Variants in FOXO1 observed in about 807,000 individuals in gnomAD.
FOXO1 encodes forkhead box protein O1.
Under a neutral mutation model 44.1 loss-of-function variants are expected in FOXO1, and 6 were observed. The observed-to-expected ratio is 0.14, with a 90% CI of 0.07 to 0.27. The LOEUF (loss-of-function observed/expected upper bound fraction) is 0.27, where lower values mean the gene tolerates loss of function less well. Among genes scored for constraint, FOXO1 ranks in the 10% least tolerant of loss-of-function variants. FOXO1 has a pLI of 1.00. For synonymous variants in FOXO1, 380 were observed against 362.7 expected, an observed-to-expected ratio of 1.05 and a Z score of -0.54; for missense variants, 737 against 888.8, an observed-to-expected ratio of 0.83 and a Z score of 2.17.
intron 1 of FOXO1, among the ~76,000 whole-genome samples, chr13:40,573,921 A>T (rs1365939363): frequency 1.3e-5 from 2 of 152,240 alleles, no homozygotes; most frequent in East Asian, 3.8e-4. Flanking sequence ...GGATGACTCA[A>T]ACCAACAGAA....
At chr13:40,571,227 T>TG (rs1336481233) in intron 1 of FOXO1, among the ~76,000 whole-genome samples, 13 of 116,254 alleles carry the variant, frequency 1.1e-4, no homozygotes, top group Admixed American at 1.0e-3. Context: ...TGTCATGGGG[T>TG]GGGGGGAAGG....
At chr13:40,631,240 A>G (rs1330809084) in intron 1 of FOXO1, among the ~76,000 whole-genome samples, 4 of 152,328 alleles carry the variant, frequency 2.6e-5, no homozygotes, top group East Asian at 3.9e-4. Context: ...ACCAACAACT[A>G]GAGCTTAAGT....
rs940436969 is a variant in FOXO1, at chr13:40,555,972, G to C, written c.*3077C>G. 2 of 152,506 alleles carry C rather than the reference G, an allele frequency of 1.3e-5. No individual in the cohort carries two copies. Among genetic ancestry groups the C allele is most frequent in the African/African-American group, 4.8e-5 (2 of 41,460 alleles). The allele number at this position is 152,506 out of a possible 1,614,324, so 9.4% of individuals were successfully genotyped here. A position where few individuals can be genotyped will look rare whatever the true frequency, so the allele number is the denominator to read the frequency against. ...ATGGCCACCCCTGGCCACACTGCCA[G>C]GCTGTGCCCACCTCAAGGAGAGGCC... On this transcript the variant is annotated 3_prime_UTR_variant, in exon 3 of 3. Coordinates refer to ENST00000379561, the MANE Select transcript of FOXO1 (RefSeq NM_002015.4).
intron 1 of FOXO1, among the ~76,000 whole-genome samples, chr13:40,566,996 A>G (rs908334313): frequency 1.3e-5 from 2 of 152,186 alleles, no homozygotes; most frequent in Admixed American, 1.3e-4. Flanking sequence ...CTGCCTCCTA[A>G]GAGCTGAGCC....
At chr13:40,572,746 A>G (rs1874585325) in intron 1 of FOXO1, among the ~76,000 whole-genome samples, 1 of 152,212 alleles carries the variant, frequency 6.6e-6, no homozygotes, top group Non-Finnish European at 1.5e-5. Context: ...ACAGAGATTG[A>G]GCCCAAGTCA....
At position 40,556,210 on chromosome 13, in the gene FOXO1, G is replaced by A. The variant is rs546782697; in HGVS notation, c.*2839C>T. On this transcript the variant is annotated 3_prime_UTR_variant, in exon 3 of 3. Coordinates refer to ENST00000379561, the MANE Select transcript of FOXO1 (RefSeq NM_002015.4). Reference sequence around the variant, plus strand: ...GTTGAACAAGTCCAATTTGTATATCGTTGGAGAATGATTTCCATTTTAAGC... The same window carrying A: ...GTTGAACAAGTCCAATTTGTATATCATTGGAGAATGATTTCCATTTTAAGC... 5.2e-5 allele frequency: 8 copies of A among 152,424 alleles called. No homozygotes were observed. Among genetic ancestry groups the A allele is most frequent in the African/African-American group, 1.4e-4 (6 of 41,560 alleles). 9.4% of individuals were successfully genotyped at this position (152,424 alleles called of 1,614,324 possible).
chr13:40,624,450 T>G (rs543626080), intron 1 of FOXO1, among the ~76,000 whole-genome samples: 101 of 152,172 alleles, frequency 6.6e-4, no homozygotes, highest in Non-Finnish European at 1.4e-3. Flanking sequence ...CTAAAAATTG[T>G]GCTTGCCTAT....
At chr13:40,587,200 C>A (rs1285644503) in intron 1 of FOXO1, among the ~76,000 whole-genome samples, 2 of 151,304 alleles carry the variant, frequency 1.3e-5, no homozygotes, top group Non-Finnish European at 2.9e-5. Flanking sequence ...ATTTTTCCAC[C>A]ACCTTCTTCC....
At chr13:40,664,352 G>C (rs1292840328) in intron 1 of FOXO1, among the ~76,000 whole-genome samples, 1 of 152,154 alleles carries the variant, frequency 6.6e-6, no homozygotes, top group Non-Finnish European at 1.5e-5. Context: ...GAAACTGTCA[G>C]CTTGGGGAGG....
chr13:40,619,698 T>C, intron 1 of FOXO1: 2 of 1,245,148 alleles, frequency 1.6e-6, no homozygotes, highest in Non-Finnish European at 1.2e-6. Context: ...CTAGGCTTGC[T>C]TCAAGGGGGA....
chr13:40,575,455 A>G (rs565703256), intron 1 of FOXO1, among the ~76,000 whole-genome samples: 6 of 152,320 alleles, frequency 3.9e-5, no homozygotes, highest in Admixed American at 3.3e-4. Flanking sequence ...CCAAGGAGGA[A>G]GGGTCTCAAA....
At chr13:40,619,880 A>C in intron 1 of FOXO1, 1 of 722,318 alleles carries the variant, frequency 1.4e-6, no homozygotes, top group Non-Finnish European at 2.6e-6. Context: ...AAAGCAGCAC[A>C]TGTTTGGGAA....
chr13:40,561,305 T>G (rs1436663436), intron 1 of FOXO1, among the ~76,000 whole-genome samples: 1 of 143,692 alleles, frequency 7.0e-6, no homozygotes, highest in Non-Finnish European at 1.5e-5. Context: ...TGAGGCGAGA[T>G]CGTGCCACTG....
At chr13:40,582,179 A>G (rs1228977092) in intron 1 of FOXO1, among the ~76,000 whole-genome samples, 1 of 152,246 alleles carries the variant, frequency 6.6e-6, no homozygotes, top group African/African-American at 2.4e-5. Flanking sequence ...CATAAAAGGT[A>G]TGCATTATAT....
intron 1 of FOXO1, among the ~76,000 whole-genome samples, chr13:40,587,312 G>C (rs1875204868): frequency 6.7e-6 from 1 of 149,498 alleles, no homozygotes; most frequent in Admixed American, 6.7e-5. Flanking sequence ...CGGAGCAGGA[G>C]ACCACAATAA....
At chr13:40,563,384 G>A (rs1389255048) in intron 1 of FOXO1, among the ~76,000 whole-genome samples, 1 of 152,174 alleles carries the variant, frequency 6.6e-6, no homozygotes, top group East Asian at 1.9e-4. Context: ...CAGCAGTCAG[G>A]GCTGAGAAAT....
intron 1 of FOXO1, among the ~76,000 whole-genome samples, chr13:40,658,226 G>C (rs1231160577): frequency 6.6e-6 from 1 of 152,198 alleles, no homozygotes; most frequent in East Asian, 1.9e-4. Context: ...CTGGGGACAG[G>C]AGCGTCTAGG....
At position 40,664,805 on chromosome 13, in the gene FOXO1, C is replaced by A. The variant is rs867771602; in HGVS notation, c.630+778G>T. 4.6e-4 allele frequency among the ~76,000 whole-genome samples: 58 copies of A among 126,990 alleles called. 1 individual carries two copies. The Middle Eastern group carries it at 0.031, about 67-fold the overall frequency. The allele number at this position is 126,990 out of a possible 152,430, so 83.3% of individuals were successfully genotyped here. A position where few individuals can be genotyped will look rare whatever the true frequency, so the allele number is the denominator to read the frequency against. ...GGGCTTCCTGCGCCCGGGGCCCCTC[C>A]CACGCCACCGCCACCGCCACCGCCA... On this transcript the variant is annotated intron_variant, in intron 1 of 2. Transcript: ENST00000379561.
chr13:40,602,993 A>G (rs1215679196), intron 1 of FOXO1, among the ~76,000 whole-genome samples: 1 of 152,164 alleles, frequency 6.6e-6, no homozygotes, highest in Non-Finnish European at 1.5e-5. Context: ...AACACCACAC[A>G]TGCTCTGCTC....
Sources: allele counts gnomAD v4.1 joint callset (sites outside exome capture counted in the v4.1 genomes callset), GRCh38; gene constraint gnomAD v4.1.1; transcripts MANE v1.5; gene names NCBI Gene and HGNC (gene_info 2026-07-23, HGNC 2026-07-21).